The following SGCE variants were observed in gnomAD, a reference collection of about 807,000 sequenced individuals.
The protein encoded by SGCE is epsilon-sarcoglycan.
A neutral mutation model predicts 57.8 loss-of-function variants in SGCE; 26 were observed. The ratio of observed to expected loss-of-function variants is 0.45; its 90% CI spans 0.33 to 0.62. The LOEUF (loss-of-function observed/expected upper bound fraction) is 0.62, where lower values mean the gene tolerates loss of function less well. Ranked by LOEUF, SGCE falls within the 20% of genes least tolerant of loss-of-function variation. The pLI, the probability that SGCE is intolerant of heterozygous loss-of-function variation, is 0.02. For synonymous variants in SGCE, 183 were observed against 189.5 expected, an observed-to-expected ratio of 0.97 and a Z score of 0.28; for missense variants, 468 against 548.6, an observed-to-expected ratio of 0.85 and a Z score of 1.47.
At chr7:94,607,153 A>T (rs899487102) in intron 5 of SGCE, among the ~76,000 whole-genome samples, 2 of 152,170 alleles carry the variant, frequency 1.3e-5, no homozygotes, top group Admixed American at 1.3e-4. Context: ...TTGAATCAAT[A>T]ATTAATAATC....
At chr7:94,622,190 C>T (rs1173947077) in intron 4 of SGCE, 2 of 152,114 alleles carry the variant, frequency 1.3e-5, no homozygotes, top group African/African-American at 4.8e-5. Context: ...TTTAGTTGCA[C>T]TAGTAAATAG....
intron 5 of SGCE, among the ~76,000 whole-genome samples, chr7:94,616,106 T>TA (rs769515771): frequency 6.1e-4 from 92 of 151,826 alleles, no homozygotes; most frequent in Non-Finnish European, 1.0e-3. Flanking sequence ...CTGCAGAGAT[T>TA]AAAAAAAATG....
chr7:94,653,165 C>G (rs1276775994), intron 1 of SGCE, among the ~76,000 whole-genome samples: 1 of 152,054 alleles, frequency 6.6e-6, no homozygotes, highest in East Asian at 1.9e-4. Context: ...AATTCAACAG[C>G]TTTATAAATA....
At chr7:94,639,307 C>G in intron 1 of SGCE, 1 of 1,302,402 alleles carries the variant, frequency 7.7e-7, no homozygotes, top group Non-Finnish European at 1.1e-6. Flanking sequence ...AATTGGCTCC[C>G]CCAAAGGGAT....
At chr7:94,616,743 G>C (rs1801986074) in intron 5 of SGCE, 1 of 152,026 alleles carries the variant, frequency 6.6e-6, no homozygotes, top group South Asian at 2.1e-4. Context: ...ATCATTTGCA[G>C]CGACAAACTT....
rs558232753 is a variant in SGCE, at chr7:94,626,568, T to C, written c.390+1634A>G. On this transcript the variant is annotated intron_variant, in intron 3 of 10. Coordinates refer to ENST00000648936, the MANE Select transcript of SGCE (RefSeq NM_003919.3). ...TGTGTAGAAATATAACAGTAATTTA[T>C]AATGATCTCACAGTTCACTGCTAGC... 3 of 152,040 alleles carry C rather than the reference T, an allele frequency of 2.0e-5. No individual in the cohort carries two copies. In the South Asian group the frequency reaches 6.2e-4, roughly 31 times the overall value. The allele number at this position is 152,040 out of a possible 1,614,324, so 9.4% of individuals were successfully genotyped here.
chr7:94,655,057 G>A (rs1185826789), intron 1 of SGCE, among the ~76,000 whole-genome samples: 2 of 152,234 alleles, frequency 1.3e-5, no homozygotes, highest in African/African-American at 2.4e-5. Flanking sequence ...TATGTTCATA[G>A]TACAAATGCA....
intron 1 of SGCE, among the ~76,000 whole-genome samples, chr7:94,633,896 C>T (rs1000571673): frequency 1.3e-5 from 2 of 152,132 alleles, no homozygotes; most frequent in African/African-American, 4.8e-5. Flanking sequence ...ACACACAGCC[C>T]CTTCACTACA....
chr7:94,595,730 A>G lies in SGCE; in HGVS notation c.1253+3045T>C, dbSNP rs184584481. Among the ~76,000 whole-genome samples the G allele has an allele frequency of 2.8e-3, 425 of 152,262 alleles. 1 individual carries two copies. Among genetic ancestry groups the G allele is most frequent in the Non-Finnish European group, 4.4e-3 (297 of 67,984 alleles). ...TAAAAAGTAAAAGTTGAATTTGCAT[A>G]AAGGACAGCTATGATGAACCCCATA... On this transcript the variant is annotated intron_variant, in intron 9 of 10. Transcript: ENST00000648936.
chr7:94,650,574 A>G (rs1256915209), intron 1 of SGCE, among the ~76,000 whole-genome samples: 2 of 151,788 alleles, frequency 1.3e-5, no homozygotes, highest in Non-Finnish European at 2.9e-5. Flanking sequence ...CTTGCAACAC[A>G]TAGGGCTATT....
chr7:94,616,799 T>C (rs1801997220), intron 5 of SGCE: 1 of 152,206 alleles, frequency 6.6e-6, no homozygotes, highest in African/African-American at 2.4e-5. Context: ...TATGAGTGTT[T>C]GTATACAGAC....
Position 94,598,802 on chromosome 7 carries a change from G to A in SGCE, c.1226C>T (p.Thr409Ile), listed in dbSNP as rs545029310. Reference sequence around the variant, plus strand: ...CTGCGTTTGCATCAATGGCATGTTTGTGCTATCATAGTTGTCTGTGTGTAA... The same window carrying A: ...CTGCGTTTGCATCAATGGCATGTTTATGCTATCATAGTTGTCTGTGTGTAA... ...PPLHTDNYDS[T>I]NMPLMQTQQN... The change falls in exon 9 of 11, where the codon ACA becomes ATA. Residue 409 changes from threonine (T) to isoleucine (I), a missense_variant. Physicochemically the swap from Thr to Ile is moderately conservative, Grantham distance 89. Transcript: ENST00000648936. The A allele has an allele frequency of 1.9e-6, 3 of 1,612,964 alleles. No individual in the cohort carries two copies. In the East Asian group the frequency reaches 6.7e-5, roughly 36 times the overall value.
At chr7:94,634,953 T>C (rs986902206) in intron 1 of SGCE, among the ~76,000 whole-genome samples, 1 of 152,178 alleles carries the variant, frequency 6.6e-6, no homozygotes, top group Non-Finnish European at 1.5e-5. Context: ...ACTTACATAT[T>C]CGATATGTGG....
At chr7:94,619,785 GT>G (rs1802493963) in intron 4 of SGCE, 1 of 152,158 alleles carries the variant, frequency 6.6e-6, no homozygotes. Context: ...AGCTGCTTGT[GT>G]TTTTCATTGT....
At position 94,651,416 on chromosome 7, in the gene SGCE, C is replaced by A. The variant is rs545410613; in HGVS notation, c.109+4574G>T. On this transcript the variant is annotated intron_variant, in intron 1 of 10. Coordinates refer to ENST00000648936, the MANE Select transcript of SGCE (RefSeq NM_003919.3). ...AAGGCTTATGATCCTTAACCAGGGA[C>A]GATACCCTGACGCAAACCCAAGAAC... Among the ~76,000 whole-genome samples, 19 of 152,286 alleles carry A rather than the reference C, an allele frequency of 1.2e-4. 1 individual carries two copies. In the South Asian group the frequency reaches 2.3e-3, roughly 18 times the overall value.
chr7:94,641,658 A>C (rs1218141831), intron 1 of SGCE, among the ~76,000 whole-genome samples: 1 of 152,206 alleles, frequency 6.6e-6, no homozygotes, highest in East Asian at 1.9e-4. Context: ...AGAGCTCCCC[A>C]CCTTAATAAA....
chr7:94,592,550 C>T (rs1358457179), intron 9 of SGCE, among the ~76,000 whole-genome samples: 1 of 152,026 alleles, frequency 6.6e-6, no homozygotes, highest in Non-Finnish European at 1.5e-5. Context: ...ATTATTTTCT[C>T]ATTTTATGTT....
intron 6 of SGCE, among the ~76,000 whole-genome samples, chr7:94,602,658 A>T (rs1799453522): frequency 6.8e-6 from 1 of 146,030 alleles, no homozygotes; most frequent in Admixed American, 6.7e-5. Flanking sequence ...ATATACAGAC[A>T]TATAATATAA....
intron 9 of SGCE, 101 bp from the exon 10 acceptor site, chr7:94,588,833 C>G (rs1451071081): frequency 1.5e-6 from 2 of 1,307,790 alleles, no homozygotes; most frequent in African/African-American, 2.9e-5. Flanking sequence ...AAACTATGAC[C>G]CCAGTCATGT....
Sources: gnomAD v4.1 joint callset for allele counts (sites outside exome capture counted in the v4.1 genomes callset) on GRCh38, gnomAD v4.1.1 for gene constraint, MANE v1.5 for transcripts, NCBI Gene and HGNC (gene_info 2026-07-23, HGNC 2026-07-21) for gene names.